The following SLC17A9 variants were observed in gnomAD, a reference collection of about 807,000 sequenced individuals.
SLC17A9 encodes voltage-gated purine nucleotide uniporter SLC17A9.
In SLC17A9, 49 loss-of-function variants were observed where a neutral mutation model predicts 55.0. That is an observed-to-expected ratio of 0.89 (90% CI 0.71 to 1.13). The LOEUF is 1.13. SLC17A9 is among the 50% of genes most tolerant of loss of function. The pLI, the probability that SLC17A9 is intolerant of heterozygous loss-of-function variation, is 0.00. For synonymous variants in SLC17A9, 256 were observed against 247.4 expected, an observed-to-expected ratio of 1.03 and a Z score of -0.32; for missense variants, 526 against 569.3, an observed-to-expected ratio of 0.92 and a Z score of 0.77.
rs897752825 is a variant in SLC17A9, at chr20:62,953,228, A to G, written c.59+339A>G. 10 of 1,550,216 alleles carry G rather than the reference A, an allele frequency of 6.5e-6. No homozygotes were observed. The African/African-American group carries it at 1.1e-4, about 17-fold the overall frequency. ...CTCGCCAGGTGGAACCACCCTGTGT[A>G]TGCATGACCCTGACAAGCAGGCGCC... On this transcript the variant is annotated intron_variant, in intron 1 of 12. Coordinates refer to ENST00000370351, the MANE Select transcript of SLC17A9 (RefSeq NM_022082.4).
Position 62,963,327 on chromosome 20 carries a change from A to G in SLC17A9, c.683A>G (p.Asn228Ser), listed in dbSNP as rs2427463. ...LAQSRPVSRHNRVPWRRLFRK... is the reference protein window; with the variant it reads ...LAQSRPVSRHSRVPWRRLFRK... ...CAAAGCCGGCCGGTGTCCAGGCACA[A>G]CAGAGTCCCCTGGAGACGGCTCTTC... The change falls in exon 6 of 13, where the codon AAC becomes AGC. Residue 228 changes from asparagine to serine, a missense_variant. By Grantham distance (46) the Asn-to-Ser change is conservative (BLOSUM62 1). Transcript: ENST00000370351. The G allele has an allele frequency of 1, 1,606,082 of 1,613,808 alleles. 799,514 individuals are homozygous for G. The highest frequency in any genetic ancestry group is 1 in the East Asian group (44,870 of 44,870).
At chr20:62,964,083 G>A in intron 7 of SLC17A9, 145 bp from the exon 8 acceptor site, 1 of 803,146 alleles carries the variant, frequency 1.2e-6, no homozygotes, top group Non-Finnish European at 2.1e-6. Flanking sequence ...GTCAAGAGCT[G>A]CACATTCCCA....
At chr20:62,955,835 C>T (rs1199538102) in intron 1 of SLC17A9, among the ~76,000 whole-genome samples, 3 of 152,218 alleles carry the variant, frequency 2.0e-5, no homozygotes, top group Non-Finnish European at 4.4e-5. Context: ...GCAGTGAGGA[C>T]TGTGTCCTTC....
At chr20:62,953,223 T>G (rs1198502236) in intron 1 of SLC17A9, 1 of 1,550,334 alleles carries the variant, frequency 6.5e-7, no homozygotes. Flanking sequence ...GGAACCACCC[T>G]GTGTATGCAT....
chr20:62,952,808 G>A lies in SLC17A9; in HGVS notation c.-23G>A, dbSNP rs1000032017. On this transcript the variant is annotated 5_prime_UTR_variant, in exon 1 of 13. Coordinates refer to ENST00000370351, the MANE Select transcript of SLC17A9 (RefSeq NM_022082.4). Reference sequence around the variant, plus strand: ...AGCCCCGGGACACAGCTGTGCCCACGCCGTCTGAGCACCCCAAGCCCGATG... The same window carrying A: ...AGCCCCGGGACACAGCTGTGCCCACACCGTCTGAGCACCCCAAGCCCGATG... The A allele has an allele frequency of 1.0e-5, 16 of 1,533,628 alleles. No homozygotes were observed. Among genetic ancestry groups the A allele is most frequent in the South Asian group, 3.6e-5 (3 of 83,604 alleles).
intron 4 of SLC17A9, among the ~76,000 whole-genome samples, chr20:62,961,712 T>G (rs1047007620): frequency 2.0e-5 from 3 of 151,926 alleles, no homozygotes; most frequent in Non-Finnish European, 2.9e-5. Flanking sequence ...GAATGTGAAT[T>G]TCACATAAAC....
At chr20:62,954,688 C>T (rs2065521033) in intron 1 of SLC17A9, among the ~76,000 whole-genome samples, 2 of 152,268 alleles carry the variant, frequency 1.3e-5, no homozygotes, top group African/African-American at 4.8e-5. Flanking sequence ...TCCCCGGCAG[C>T]TGTGGAGGGT....
chr20:62,967,134 G>T, intron 12 of SLC17A9: 2 of 628,706 alleles, frequency 3.2e-6, no homozygotes, highest in Non-Finnish European at 5.5e-6. Context: ...TGGATGGCCT[G>T]TGAGATCTCT....
chr20:62,964,855 G>A (rs555915695), intron 8 of SLC17A9, among the ~76,000 whole-genome samples: 10 of 152,250 alleles, frequency 6.6e-5, no homozygotes, highest in South Asian at 6.2e-4. Context: ...AAGTGGGGCC[G>A]CTCGCCTGTT....
chr20:62,968,904 G>A lies in SLC17A9; in HGVS notation c.*1404G>A, dbSNP rs1355313316. On this transcript the variant is annotated 3_prime_UTR_variant, in exon 13 of 13. Transcript: ENST00000370351. Reference sequence around the variant, plus strand: ...TGGAGTCAGACAGCCCAGCTGTGCTGTGGAAAGACAAAGTGGAGTTTTGCA... The same window carrying A: ...TGGAGTCAGACAGCCCAGCTGTGCTATGGAAAGACAAAGTGGAGTTTTGCA... The A allele has an allele frequency of 6.6e-6, 1 of 152,302 alleles. No individual in the cohort carries two copies. The highest frequency in any genetic ancestry group is 2.4e-5 in the African/African-American group (1 of 41,474). 9.4% of individuals were successfully genotyped at this position (152,302 alleles called of 1,614,324 possible). A position where few individuals can be genotyped will look rare whatever the true frequency, so the allele number is the denominator to read the frequency against.
Position 62,960,564 on chromosome 20 carries a change from C to G in SLC17A9, c.458C>G (p.Ala153Gly), listed in dbSNP as rs752062118. The change falls in exon 4 of 13, where the codon GCC becomes GGC. Residue 153 changes from alanine (A) to glycine (G), a missense_variant. Transcript: ENST00000370351. ...CAGAAGGTGCGGGAGAGTGAGCGAG[C>G]CTTCACCTACAGCATCGTGGGCGCC... is the stretch of plus-strand genomic sequence containing the variant. ...LSQKVRESER[A>G]FTYSIVGAGS... 1.4e-5 allele frequency: 22 copies of G among 1,613,450 alleles called. No homozygotes were observed. Among genetic ancestry groups the G allele is most frequent in the Non-Finnish European group, 1.9e-5 (22 of 1,180,006 alleles).
chr20:62,962,493 T>C lies in SLC17A9; in HGVS notation c.498-131T>C. The C allele has an allele frequency of 8.3e-7, 1 of 1,206,230 alleles. No homozygotes were observed. The highest frequency in any genetic ancestry group is 1.1e-6 in the Non-Finnish European group (1 of 879,920). 74.7% of individuals were successfully genotyped at this position (1,206,230 alleles called of 1,614,324 possible). On this transcript the variant is annotated intron_variant, in intron 4 of 12. Transcript: ENST00000370351. The surrounding 1 kb of genome is among the most constrained non-coding windows in gnomAD (Gnocchi z 5.5). ...GCCAGGACGGTGGCTTCTGAGCTGC[T>C]CCTCTGGAGGCGATGAAAACACCCT...
At position 62,967,859 on chromosome 20, in the gene SLC17A9, G is replaced by T. The variant is rs147243595; in HGVS notation, c.*359G>T. On this transcript the variant is annotated 3_prime_UTR_variant, in exon 13 of 13. Transcript: ENST00000370351. ...GCGTGGTTCCCGCCAAACCTCCCTC[G>T]GTCGCCGTGTTCTCCGCAAGCCTCC... 3.6e-4 allele frequency: 65 copies of T among 181,396 alleles called. No homozygotes were observed. The highest frequency in any genetic ancestry group is 6.1e-4 in the Non-Finnish European group (53 of 87,054). The allele number at this position is 181,396 out of a possible 1,614,324, so 11.2% of individuals were successfully genotyped here. A position where few individuals can be genotyped will look rare whatever the true frequency, so the allele number is the denominator to read the frequency against.
chr20:62,966,485 G>A, intron 10 of SLC17A9, 40 bp from the exon 11 acceptor site: 1 of 1,605,154 alleles, frequency 6.2e-7, no homozygotes, highest in Non-Finnish European at 8.5e-7. Flanking sequence ...CCAGCTCGGT[G>A]GTGGCCAGGG....
rs1459448916 is a variant in SLC17A9, at chr20:62,966,733, G to A, written c.1147+1G>A. ...GCCAACACAGCCGGGGCCTTGGCAGGTGAGGGGCGGGCCTCTGTGCCCAGG... is the reference window on the plus strand; with the variant it reads ...GCCAACACAGCCGGGGCCTTGGCAGATGAGGGGCGGGCCTCTGTGCCCAGG... On this transcript the variant is annotated splice_donor_variant, in intron 12 of 12. Transcript: ENST00000370351. LOFTEE classifies it high-confidence loss of function. The A allele has an allele frequency of 6.2e-7, 1 of 1,610,662 alleles. No individual in the cohort carries two copies. The highest frequency in any genetic ancestry group is 1.3e-5 in the African/African-American group (1 of 74,724).
Position 62,962,377 on chromosome 20 carries a change from G to A in SLC17A9, c.498-247G>A, listed in dbSNP as rs562497274. 3.0e-5 allele frequency: 11 copies of A among 372,720 alleles called. No individual in the cohort carries two copies. In the East Asian group the frequency reaches 3.9e-4, roughly 13 times the overall value. The allele number at this position is 372,720 out of a possible 1,614,324, so 23.1% of individuals were successfully genotyped here. A position where few individuals can be genotyped will look rare whatever the true frequency, so the allele number is the denominator to read the frequency against. ...AATGTGAGTTCCACAGCAGCCGCCC[G>A]ACTGGGACACATGCGTGGCTGGTCC... On this transcript the variant is annotated intron_variant, in intron 4 of 12. Transcript: ENST00000370351. The surrounding 1 kb of genome is among the most constrained non-coding windows in gnomAD (Gnocchi z 5.5).
chr20:62,957,758 G>A (rs1284215201), intron 3 of SLC17A9, among the ~76,000 whole-genome samples, 178 bp downstream of exon 3: 1 of 147,370 alleles, frequency 6.8e-6, no homozygotes, highest in Non-Finnish European at 1.5e-5. Flanking sequence ...GTAAGTGTGT[G>A]TATGGCATGC....
Position 62,958,075 on chromosome 20 carries a change from GTA to G in SLC17A9, c.397+497_397+498del, listed in dbSNP as rs1226002652. 6.6e-6 allele frequency among the ~76,000 whole-genome samples: 1 copy of G among 152,082 alleles called. No individual in the cohort carries two copies. The highest frequency in any genetic ancestry group is 2.4e-5 in the African/African-American group (1 of 41,410). On this transcript the variant is annotated intron_variant, in intron 3 of 12. Coordinates refer to ENST00000370351, the MANE Select transcript of SLC17A9 (RefSeq NM_022082.4). The surrounding 1 kb of genome is among the most constrained non-coding windows in gnomAD (Gnocchi z 4.1). ...TGCGTGTGCATGCCTGTATGCATGT[GTA>G]TGTGTGTGTGCGTTCCTGTATCCAT...
intron 7 of SLC17A9, 187 bp downstream of exon 7, chr20:62,963,867 T>C (rs1262401554): frequency 1.6e-5 from 10 of 618,324 alleles, no homozygotes; most frequent in Non-Finnish European, 2.8e-5. Context: ...CAGGTTTCTG[T>C]GTTTGAGGCT....
Sources: gnomAD v4.1 joint callset for allele counts (sites outside exome capture counted in the v4.1 genomes callset) on GRCh38, gnomAD v4.1.1 for gene constraint, Gnocchi (gnomAD v3.1) non-coding constraint, MANE v1.5 for transcripts, NCBI Gene and HGNC (gene_info 2026-07-23, HGNC 2026-07-21) for gene names.